The following SMARCC1 variants were observed in gnomAD, a reference collection of about 807,000 sequenced individuals.
SMARCC1 encodes the protein SWI/SNF related BAF chromatin remodeling complex subunit C1, also known as SWI/SNF complex subunit SMARCC1.
In SMARCC1, 43 loss-of-function variants were observed where a neutral mutation model predicts 147.4. The ratio of observed to expected loss-of-function variants is 0.29; its 90% CI spans 0.23 to 0.38. The LOEUF is 0.38. Ranked by LOEUF, SMARCC1 falls within the 10% of genes least tolerant of loss-of-function variation. SMARCC1 has a pLI of 1.00. For missense variants in SMARCC1, 1,119 were observed against 1,381.1 expected, an observed-to-expected ratio of 0.81 and a Z score of 3.01; for synonymous variants, 495 against 484.4, an observed-to-expected ratio of 1.02 and a Z score of -0.29.
At chr3:47,638,865 A>C in intron 21 of SMARCC1, 85 bp from the exon 22 acceptor site, 1 of 903,514 alleles carries the variant, frequency 1.1e-6, no homozygotes, top group Non-Finnish European at 1.9e-6. Flanking sequence ...TGTCTGAAAT[A>C]CAAATATATA....
intron 1 of SMARCC1, among the ~76,000 whole-genome samples, chr3:47,775,164 C>G (rs1159688364): frequency 7.2e-6 from 1 of 138,758 alleles, no homozygotes; most frequent in Middle Eastern, 3.5e-3. Context: ...CAACATAGTA[C>G]TTTTTTTTTT....
At chr3:47,669,499 A>G (rs1263839265) in intron 19 of SMARCC1, among the ~76,000 whole-genome samples, 1 of 152,182 alleles carries the variant, frequency 6.6e-6, no homozygotes, top group Admixed American at 6.5e-5. Context: ...GGCTATACAA[A>G]ATAGTCCTGA....
chr3:47,779,339 G>C (rs1458450475), intron 1 of SMARCC1, among the ~76,000 whole-genome samples: 2 of 152,214 alleles, frequency 1.3e-5, no homozygotes, highest in African/African-American at 4.8e-5. Flanking sequence ...AAATGCACTA[G>C]AAACGGTTAG....
chr3:47,621,314 A>G lies in SMARCC1; in HGVS notation c.2781+893T>C, dbSNP rs565179322. On this transcript the variant is annotated intron_variant, in intron 25 of 27. Transcript: ENST00000254480. ...ACTCCGTCTCAAAAAAAAAAAAAAAAAAAAGAAAAGAAATCGTTCTACCAA... is the reference window on the plus strand; with the variant it reads ...ACTCCGTCTCAAAAAAAAAAAAAAAGAAAAGAAAAGAAATCGTTCTACCAA... Among the ~76,000 whole-genome samples the G allele has an allele frequency of 4.1e-3, 616 of 151,984 alleles. 5 individuals carry two copies. The highest frequency in any genetic ancestry group is 0.013 in the African/African-American group (528 of 41,458).
intron 26 of SMARCC1, among the ~76,000 whole-genome samples, chr3:47,602,066 T>G (rs2032396417): frequency 6.6e-6 from 1 of 152,090 alleles, no homozygotes; most frequent in South Asian, 2.1e-4. Context: ...GGTGATTGGT[T>G]GTAATCCTTT....
intron 6 of SMARCC1, among the ~76,000 whole-genome samples, chr3:47,726,609 A>G (rs1010383186): frequency 6.6e-6 from 1 of 152,206 alleles, no homozygotes; most frequent in Non-Finnish European, 1.5e-5. Flanking sequence ...AAAACCCTAC[A>G]CCCAATGAAC....
chr3:47,750,963 T>G (rs949971873), intron 2 of SMARCC1, among the ~76,000 whole-genome samples: 1 of 151,558 alleles, frequency 6.6e-6, no homozygotes, highest in Non-Finnish European at 1.5e-5. Flanking sequence ...AGTGGCGCAA[T>G]CTCAGCTGAC....
At chr3:47,666,929 T>C (rs915691306) in intron 19 of SMARCC1, among the ~76,000 whole-genome samples, 25 of 152,308 alleles carry the variant, frequency 1.6e-4, no homozygotes, top group African/African-American at 2.6e-4. Context: ...AGAAAAAGTA[T>C]GTAAAGTGTA....
intron 8 of SMARCC1, among the ~76,000 whole-genome samples, 197 bp downstream of exon 8, chr3:47,714,218 G>A (rs928483506): frequency 6.6e-6 from 1 of 152,172 alleles, no homozygotes; most frequent in African/African-American, 2.4e-5. Context: ...ACAAAAATTA[G>A]CCTAACGTGG....
chr3:47,604,173 A>G (rs776630922), intron 26 of SMARCC1: 5 of 456,778 alleles, frequency 1.1e-5, no homozygotes, highest in South Asian at 3.1e-5. Flanking sequence ...TAGCAGATTC[A>G]TAATACCAAG....
Position 47,761,679 on chromosome 3 carries a change from T to C in SMARCC1, c.315+11138A>G, listed in dbSNP as rs2034775764. On this transcript the variant is annotated intron_variant, in intron 2 of 27. Transcript: ENST00000254480. ...AAGACCTATATGCTAATCTGTTTTC[T>C]CCCTCATCCATTCCACAAAGTCCTA... Among the ~76,000 whole-genome samples, 2 of 152,182 alleles carry C rather than the reference T, an allele frequency of 1.3e-5. 1 individual carries two copies. The highest frequency in any genetic ancestry group is 4.1e-4 in the South Asian group (2 of 4,824).
At chr3:47,700,578 G>A (rs1386641070) in intron 11 of SMARCC1, among the ~76,000 whole-genome samples, 1 of 152,128 alleles carries the variant, frequency 6.6e-6, no homozygotes, top group Non-Finnish European at 1.5e-5. Context: ...GAGTGCAGTG[G>A]TATGATCTCA....
intron 24 of SMARCC1, among the ~76,000 whole-genome samples, chr3:47,632,600 C>A (rs151245718): frequency 4.1e-4 from 62 of 152,034 alleles, no homozygotes; most frequent in African/African-American, 1.4e-3. Context: ...TCTCTTGAGC[C>A]CAAGAGCTCC....
intron 12 of SMARCC1, among the ~76,000 whole-genome samples, chr3:47,692,718 G>C (rs1031332126): frequency 4.6e-5 from 7 of 152,002 alleles, no homozygotes; most frequent in African/African-American, 1.7e-4. Context: ...CTAAGCACAA[G>C]TCTCACTTAA....
intron 25 of SMARCC1, chr3:47,610,572 C>A (rs2032550839): frequency 1.9e-6 from 1 of 533,218 alleles, no homozygotes; most frequent in African/African-American, 1.9e-5. Flanking sequence ...TCCTTGCAAT[C>A]TTCCCGCAGT....
intron 1 of SMARCC1, among the ~76,000 whole-genome samples, chr3:47,778,385 CG>C (rs2035003256): frequency 6.6e-6 from 1 of 151,782 alleles, no homozygotes. Context: ...CACAGTTCAC[CG>C]CAGCCTCGAC....
At position 47,772,944 on chromosome 3, in the gene SMARCC1, A is replaced by T. The variant is rs1288954155; in HGVS notation, c.196-8T>A. On this transcript the variant is annotated splice_polypyrimidine_tract_variant and splice_region_variant and intron_variant, in intron 1 of 27. Transcript: ENST00000254480. ...AGCATCCGCATGAACATACTGCAAG[A>T]TAAAGACAGGCATTCAAAAACTAGT... 8 of 1,609,102 alleles carry T rather than the reference A, an allele frequency of 5.0e-6. No individual in the cohort carries two copies. Among genetic ancestry groups the T allele is most frequent in the Admixed American group, 3.4e-5 (2 of 59,006 alleles).
chr3:47,714,583 A>AC, intron 7 of SMARCC1, 93 bp from the exon 8 acceptor site: 1 of 694,258 alleles, frequency 1.4e-6, no homozygotes. Context: ...TTTTAGAAAT[A>AC]CTACTAAAAT....
chr3:47,725,324 G>A (rs530947924), intron 6 of SMARCC1, among the ~76,000 whole-genome samples: 1 of 152,136 alleles, frequency 6.6e-6, no homozygotes, highest in African/African-American at 2.4e-5. Context: ...CGTGGGAGAA[G>A]GGAAAGTGAC....
Sources: gnomAD v4.1 joint callset for allele counts (sites outside exome capture counted in the v4.1 genomes callset) on GRCh38, gnomAD v4.1.1 for gene constraint, MANE v1.5 for transcripts, NCBI Gene and HGNC (gene_info 2026-07-23, HGNC 2026-07-21) for gene names.